Variants in IGSF22 observed in about 807,000 individuals in gnomAD.
IGSF22 encodes the protein immunoglobulin superfamily, member 22.
A neutral mutation model predicts 127.0 loss-of-function variants in IGSF22; 119 were observed. The ratio of observed to expected loss-of-function variants is 0.94; its 90% CI spans 0.81 to 1.09. IGSF22 has a LOEUF of 1.09. Among genes scored for constraint, IGSF22 ranks in the 50% least tolerant of loss-of-function variants. The pLI is 0.00. For missense variants in IGSF22, 1,518 were observed against 1,716.6 expected, an observed-to-expected ratio of 0.88 and a Z score of 2.04; for synonymous variants, 568 against 664.7, an observed-to-expected ratio of 0.85 and a Z score of 2.24.
intron 2 of IGSF22, among the ~76,000 whole-genome samples, chr11:18,722,306 A>T (rs1590457406): frequency 6.7e-6 from 1 of 149,494 alleles, no homozygotes; most frequent in Admixed American, 6.7e-5. Context: ...CTGAGTCCTA[A>T]TTTTTTTTTT....
At chr11:18,710,602 A>G in intron 16 of IGSF22, 53 bp downstream of exon 16, 3 of 1,588,278 alleles carry the variant, frequency 1.9e-6, no homozygotes, top group South Asian at 1.1e-5. Flanking sequence ...TAATGGGTCC[A>G]CTCAGCAAGA....
chr11:18,723,813 A>G (rs1422260705), intron 2 of IGSF22, among the ~76,000 whole-genome samples: 2 of 152,210 alleles, frequency 1.3e-5, no homozygotes, highest in African/African-American at 4.8e-5. Flanking sequence ...CTGAAATTCT[A>G]CCTTTGGAGA....
intron 3 of IGSF22, 68 bp from the exon 4 acceptor site, chr11:18,721,739 G>C: frequency 6.2e-7 from 1 of 1,602,638 alleles, no homozygotes; most frequent in Non-Finnish European, 8.5e-7. Flanking sequence ...ACCCTCTGCC[G>C]GCTCTCTGCC....
At chr11:18,720,714 A>C (rs1467195407) in intron 4 of IGSF22, among the ~76,000 whole-genome samples, 1 of 152,232 alleles carries the variant, frequency 6.6e-6, no homozygotes. Flanking sequence ...TGGTGCTTGC[A>C]GAAGCCTGCT....
rs1246093702 is a variant in IGSF22, at chr11:18,709,409, C to T, written c.2976G>A (p.Gly992=). The T allele has an allele frequency of 6.2e-7, 1 of 1,613,936 alleles. No homozygotes were observed. Among genetic ancestry groups the T allele is most frequent in the Admixed American group, 1.7e-5 (1 of 60,016 alleles). Residue 992 remains glycine (G), a synonymous_variant, in exon 18 of 23, where the codon GGG becomes GGA. Transcript: ENST00000513874. The surrounding 1 kb of genome is among the most constrained non-coding windows in gnomAD (Gnocchi z 4.8). ...CACCTGGTGGTGGCATGGCACGGACCCCCTTGTCTAGCTCCACAGGCTCCC... is the reference window on the plus strand; with the variant it reads ...CACCTGGTGGTGGCATGGCACGGACTCCCTTGTCTAGCTCCACAGGCTCCC... The part of the protein sequence containing the change: ...GVGEPVELDK[G]VRAMPPPAAP...
rs537282553 is a variant in IGSF22 at position 18,704,412 on chromosome 11, C to A, written c.*56G>T. On this transcript the variant is annotated 3_prime_UTR_variant, in exon 23 of 23. Coordinates refer to ENST00000513874, the MANE Select transcript of IGSF22 (RefSeq NM_173588.4). Reference sequence around the variant, plus strand: ...TTCCTACACTGGGCCATGCAGAGGACAGGCCAAGAAACTCCACATCATAAC... The same window carrying A: ...TTCCTACACTGGGCCATGCAGAGGAAAGGCCAAGAAACTCCACATCATAAC... 1.4e-5 allele frequency: 17 copies of A among 1,203,396 alleles called. No individual in the cohort carries two copies. The South Asian group carries it at 2.1e-4, about 15-fold the overall frequency. 74.5% of individuals were successfully genotyped at this position (1,203,396 alleles called of 1,614,324 possible).
chr11:18,710,123 C>T (rs1440005432), intron 17 of IGSF22, among the ~76,000 whole-genome samples: 2 of 152,122 alleles, frequency 1.3e-5, no homozygotes, highest in East Asian at 3.9e-4. Context: ...GTTTTTGCAC[C>T]CCACCTCCTC....
rs1848460997 is a variant in IGSF22, at chr11:18,716,216, A to G, written c.1247-500T>C. 2.0e-5 allele frequency among the ~76,000 whole-genome samples: 3 copies of G among 151,908 alleles called. No individual in the cohort carries two copies. In the South Asian group the frequency reaches 6.2e-4, roughly 32 times the overall value. On this transcript the variant is annotated intron_variant, in intron 10 of 22. Transcript: ENST00000513874. The surrounding 1 kb of genome is among the most constrained non-coding windows in gnomAD (Gnocchi z 4.5). ...AGCTCGGACATCATTTCATTATATC[A>G]TTTCTGATGTTGCCAGGTGATGCCT... is the stretch of plus-strand genomic sequence containing the variant.
Position 18,706,058 on chromosome 11 carries a change from C to T in IGSF22, c.3669G>A (p.Thr1223=). 6 of 1,551,142 alleles carry T rather than the reference C, an allele frequency of 3.9e-6. No individual in the cohort carries two copies. The highest frequency in any genetic ancestry group is 4.4e-6 in the Non-Finnish European group (5 of 1,146,938). Residue 1223 remains threonine (T), a synonymous_variant, in exon 22 of 23, where the codon ACG becomes ACA. Transcript: ENST00000513874. ...PRFVTPLKPH[T]VLRGQDCTMT... The stretch of plus-strand genomic sequence containing the variant: ...TGGTGCAGTCCTGGCCGCGGAGCAC[C>T]GTGTGTGGCTTGAGGGGCGTCACGA...
intron 4 of IGSF22, among the ~76,000 whole-genome samples, chr11:18,720,704 T>C (rs1202206845): frequency 6.6e-6 from 1 of 152,190 alleles, no homozygotes; most frequent in East Asian, 1.9e-4. Flanking sequence ...CCCGTCTGCA[T>C]GGTGCTTGCA....
Position 18,704,730 on chromosome 11 carries a change from G to A in IGSF22, c.3911-192C>T. 3 of 578,998 alleles carry A rather than the reference G, an allele frequency of 5.2e-6. No homozygotes were observed. The South Asian group carries it at 5.8e-5, about 11-fold the overall frequency. The allele number at this position is 578,998 out of a possible 1,614,324, so 35.9% of individuals were successfully genotyped here. On this transcript the variant is annotated intron_variant, in intron 22 of 22. Coordinates refer to ENST00000513874, the MANE Select transcript of IGSF22 (RefSeq NM_173588.4). The stretch of plus-strand genomic sequence containing the variant: ...TATTTGCCAGACATTGTGCCAGGCA[G>A]TTGTGTACTGTCTCATTTAAGCCTC...
rs1054959381 is a variant in IGSF22, at chr11:18,716,343, T to C, written c.1246+385A>G. On this transcript the variant is annotated intron_variant, in intron 10 of 22. Transcript: ENST00000513874. The surrounding 1 kb of genome is among the most constrained non-coding windows in gnomAD (Gnocchi z 4.5). Reference sequence around the variant, plus strand: ...GCGGTTCAGATGTGTGACATGCTCATTGGTGTACCTACATTATGTGCGAAC... The same window carrying C: ...GCGGTTCAGATGTGTGACATGCTCACTGGTGTACCTACATTATGTGCGAAC... Among the ~76,000 whole-genome samples, 1 of 152,198 alleles carries C rather than the reference T, an allele frequency of 6.6e-6. No individual in the cohort carries two copies. The highest frequency in any genetic ancestry group is 6.5e-5 in the Admixed American group (1 of 15,280).
chr11:18,724,078 GGAA>G (rs1171906655), intron 2 of IGSF22, 47 bp downstream of exon 2: 1 of 1,468,794 alleles, frequency 6.8e-7, no homozygotes, highest in Non-Finnish European at 9.5e-7. Flanking sequence ...TGGGTGTGGA[GGAA>G]GAATAGCTGC....
intron 4 of IGSF22, 109 bp from the exon 5 acceptor site, chr11:18,720,394 A>C (rs900967017): frequency 2.2e-5 from 16 of 724,992 alleles, no homozygotes; most frequent in African/African-American, 3.6e-5. Flanking sequence ...ATAGGAACTG[A>C]CTGTTGGGTA....
In IGSF22 at chr11:18,714,338, G is replaced by A. The variant is rs878937493; in HGVS notation, c.1737C>T (p.His579=). The part of the protein sequence containing the change: ...KLIFPSMGPE[H]EGKYTFRAKG... ...TGGCCCGGAATGTGTACTTGCCCTC[G>A]TGCTCAGGGCCCATACTGGGAAAGA... The change falls in exon 13 of 23, where the codon CAC becomes CAT. Residue 579 remains histidine, a synonymous_variant. Coordinates refer to ENST00000513874, the MANE Select transcript of IGSF22 (RefSeq NM_173588.4). The A allele has an allele frequency of 1.5e-5, 24 of 1,614,076 alleles. No individual in the cohort carries two copies. The highest frequency in any genetic ancestry group is 1.9e-5 in the Non-Finnish European group (23 of 1,180,040).
chr11:18,711,096 T>G (rs1265815114), intron 15 of IGSF22, among the ~76,000 whole-genome samples: 1 of 152,122 alleles, frequency 6.6e-6, no homozygotes, highest in African/African-American at 2.4e-5. Context: ...TTAACTTTGC[T>G]TGCACATTAA....
At position 18,719,741 on chromosome 11, in the gene IGSF22, T is replaced by C. The variant is rs1160730188; in HGVS notation, c.671A>G (p.Glu224Gly). ...CTCCACCTCTACTTTCTTCTTCATC[T>C]CTTTGAGCTTCCTGAGCAGCCCCCG... ...DFRGLLRKLKEMKKKVEVEAI... is the reference protein window; with the variant it reads ...DFRGLLRKLKGMKKKVEVEAI... Residue 224 changes from glutamate (E) to glycine (G), a missense_variant, in exon 7 of 23, where the codon GAG becomes GGG. This residue lies in a region of IGSF22 where 1,456 missense variants were observed against 1,644.9 expected (regional missense o/e 0.89). Transcript: ENST00000513874. 1 of 1,614,184 alleles carries C rather than the reference T, an allele frequency of 6.2e-7. No individual in the cohort carries two copies. The highest frequency in any genetic ancestry group is 2.2e-5 in the East Asian group (1 of 44,872).
rs1848536443 is a variant in IGSF22 at position 18,719,840 on chromosome 11, ATC to A, written c.570_571del (p.Glu190AspfsTer14). On this transcript the variant is annotated frameshift_variant, in exon 7 of 23. Transcript: ENST00000513874. LOFTEE classifies it high-confidence loss of function. ...GGGCACTTTGGACAAAATCTCCAGCATCTCTTTCTCATTTGCCACCTTCTTCT... is the reference window on the plus strand; with the variant it reads ...GGGCACTTTGGACAAAATCTCCAGCATCTTTCTCATTTGCCACCTTCTTCT... 1.2e-6 allele frequency: 2 copies of A among 1,614,168 alleles called. No individual in the cohort carries two copies. The highest frequency in any genetic ancestry group is 1.7e-6 in the Non-Finnish European group (2 of 1,180,024).
intron 14 of IGSF22, among the ~76,000 whole-genome samples, chr11:18,713,131 C>CCTCTTTTT (rs1249909175): frequency 6.7e-6 from 1 of 150,070 alleles, no homozygotes; most frequent in Non-Finnish European, 1.5e-5. Flanking sequence ...CTAAATCCCA[C>CCTCTTTTT]CTCTTTTTTG....
Sources: gnomAD v4.1 joint callset for allele counts (sites outside exome capture counted in the v4.1 genomes callset) on GRCh38, gnomAD v4.1.1 for gene constraint, gnomAD v4.1.1 regional missense constraint, Gnocchi (gnomAD v3.1) non-coding constraint, MANE v1.5 for transcripts, NCBI Gene and HGNC (gene_info 2026-07-23, HGNC 2026-07-21) for gene names.